The following SNTB1 variants were observed in gnomAD, a reference collection of about 807,000 sequenced individuals.
SNTB1 encodes the protein beta-1-syntrophin.
Under a neutral mutation model 48.9 loss-of-function variants are expected in SNTB1, and 36 were observed. The observed-to-expected ratio is 0.74, with a 90% CI of 0.56 to 0.97. The LOEUF is 0.97. SNTB1 is among the 50% of genes least tolerant of loss of function. The probability of loss-of-function intolerance (pLI) is 0.00; values close to 1 mark genes in which losing one functional copy is unlikely to be tolerated. For missense variants in SNTB1, 786 were observed against 703.4 expected, an observed-to-expected ratio of 1.12 and a Z score of -1.33; for synonymous variants, 299 against 294.6, an observed-to-expected ratio of 1.01 and a Z score of -0.15.
intron 1 of SNTB1, among the ~76,000 whole-genome samples, chr8:120,717,099 G>A (rs1818571555): frequency 6.6e-6 from 1 of 152,166 alleles, no homozygotes; most frequent in Non-Finnish European, 1.5e-5. Flanking sequence ...CTTAAGAAAG[G>A]TGGTTCAGAC....
intron 4 of SNTB1, among the ~76,000 whole-genome samples, chr8:120,563,039 AC>A (rs1815688785): frequency 6.6e-6 from 1 of 151,884 alleles, no homozygotes; most frequent in South Asian, 2.1e-4. Context: ...GCAACCCCAC[AC>A]CCTTCCCTCA....
chr8:120,612,361 G>T (rs1407170272), intron 3 of SNTB1, among the ~76,000 whole-genome samples: 1 of 152,156 alleles, frequency 6.6e-6, no homozygotes, highest in Admixed American at 6.5e-5. Context: ...AGGTCACAAG[G>T]CTAGTAAGTC....
intron 1 of SNTB1, among the ~76,000 whole-genome samples, chr8:120,766,468 T>G (rs951802698): frequency 2.0e-5 from 3 of 152,178 alleles, no homozygotes; most frequent in Admixed American, 1.3e-4. Context: ...TCACTATTGA[T>G]TATACATTTA....
intron 1 of SNTB1, among the ~76,000 whole-genome samples, chr8:120,709,056 A>G (rs1818421229): frequency 6.6e-6 from 1 of 152,100 alleles, no homozygotes; most frequent in African/African-American, 2.4e-5. Context: ...GCATGAATGA[A>G]TAAGTGAGAG....
intron 1 of SNTB1, among the ~76,000 whole-genome samples, chr8:120,810,611 A>G (rs1262146510): frequency 6.6e-6 from 1 of 152,224 alleles, no homozygotes; most frequent in Non-Finnish European, 1.5e-5. Context: ...GATGCCCGGC[A>G]GGGAGAGCGA....
At chr8:120,555,558 G>A (rs1488622829) in intron 4 of SNTB1, among the ~76,000 whole-genome samples, 1 of 152,100 alleles carries the variant, frequency 6.6e-6, no homozygotes, top group Non-Finnish European at 1.5e-5. Flanking sequence ...AGTTCCTGCC[G>A]GCATTCACCC....
chr8:120,757,084 G>A (rs1819331231), intron 1 of SNTB1, among the ~76,000 whole-genome samples: 2 of 152,112 alleles, frequency 1.3e-5, no homozygotes, highest in South Asian at 4.1e-4. Context: ...TCTACTATAC[G>A]CCAGGCCTTG....
chr8:120,744,477 C>T (rs1819092855), intron 1 of SNTB1, among the ~76,000 whole-genome samples: 1 of 152,160 alleles, frequency 6.6e-6, no homozygotes, highest in Admixed American at 6.6e-5. Flanking sequence ...TTCTCACCCC[C>T]TCAGAATACA....
intron 3 of SNTB1, 50 bp from the exon 4 acceptor site, chr8:120,575,275 AT>A: frequency 6.2e-7 from 1 of 1,611,152 alleles, no homozygotes; most frequent in Non-Finnish European, 8.5e-7. Context: ...GGAAAGGATG[AT>A]TATGAGAAGT....
chr8:120,700,397 AC>A (rs769381788), intron 1 of SNTB1, among the ~76,000 whole-genome samples: 1 of 152,136 alleles, frequency 6.6e-6, no homozygotes, highest in Non-Finnish European at 1.5e-5. Flanking sequence ...GCATAATTAT[AC>A]TTCCATGTGC....
intron 3 of SNTB1, among the ~76,000 whole-genome samples, chr8:120,632,005 T>C (rs979274956): frequency 1.3e-5 from 2 of 152,216 alleles, no homozygotes; most frequent in Non-Finnish European, 2.9e-5. Context: ...CTTGCTGTTA[T>C]TTGTAAATGT....
chr8:120,577,812 T>C (rs1242028505), intron 3 of SNTB1, among the ~76,000 whole-genome samples: 2 of 152,204 alleles, frequency 1.3e-5, no homozygotes, highest in Non-Finnish European at 2.9e-5. Flanking sequence ...TATATGTAGG[T>C]TTAAATAGTC....
intron 1 of SNTB1, among the ~76,000 whole-genome samples, chr8:120,802,337 G>C (rs758867930): frequency 1.3e-5 from 2 of 152,112 alleles, no homozygotes; most frequent in Non-Finnish European, 2.9e-5. Flanking sequence ...TTTGAAGTTT[G>C]CTGTGTAGGT....
chr8:120,603,647 G>A (rs149246429), intron 3 of SNTB1, among the ~76,000 whole-genome samples: 30 of 152,184 alleles, frequency 2.0e-4, no homozygotes, highest in African/African-American at 7.2e-4. Flanking sequence ...TGATGCATGC[G>A]AAAGTTGAAA....
At chr8:120,543,246 A>AT (rs779932591) in intron 5 of SNTB1, among the ~76,000 whole-genome samples, 80 of 152,156 alleles carry the variant, frequency 5.3e-4, no homozygotes, top group Non-Finnish European at 6.8e-4. Flanking sequence ...ATCAGATTGG[A>AT]TTTTTTTGCT....
intron 2 of SNTB1, among the ~76,000 whole-genome samples, chr8:120,661,025 CA>C (rs1817579176): frequency 6.6e-6 from 1 of 152,016 alleles, no homozygotes; most frequent in Non-Finnish European, 1.5e-5. Flanking sequence ...ACAGTAACAT[CA>C]AAGTTACCGG....
At chr8:120,545,031 A>G (rs1487290704) in intron 5 of SNTB1, among the ~76,000 whole-genome samples, 1 of 152,174 alleles carries the variant, frequency 6.6e-6, no homozygotes, top group African/African-American at 2.4e-5. Flanking sequence ...ATGTTAACAC[A>G]TGCCACATCT....
At chr8:120,730,986 T>G in intron 1 of SNTB1, among the ~76,000 whole-genome samples, 1 of 152,018 alleles carries the variant, frequency 6.6e-6, no homozygotes, top group East Asian at 1.9e-4. Context: ...CCGGGTGTGG[T>G]GGCAAGCACC....
chr8:120,621,200 TCCAC>T (rs1162218720), intron 3 of SNTB1, among the ~76,000 whole-genome samples: 12 of 152,208 alleles, frequency 7.9e-5, no homozygotes. Flanking sequence ...CCTCAGGTGA[TCCAC>T]CCACCTTGGC....
Sources: allele counts gnomAD v4.1 joint callset (sites outside exome capture counted in the v4.1 genomes callset), GRCh38; gene constraint gnomAD v4.1.1; transcripts MANE v1.5; gene names NCBI Gene and HGNC (gene_info 2026-07-23, HGNC 2026-07-21).